Variants in CHL1 observed in about 807,000 individuals in gnomAD.
The protein encoded by CHL1 is neural cell adhesion molecule L1-like protein.
In CHL1, 96 loss-of-function variants were observed where a neutral mutation model predicts 141.9. The observed-to-expected ratio is 0.68, with a 90% confidence interval of 0.57 to 0.80. The LOEUF is 0.80. CHL1 is among the 30% of genes least tolerant of loss of function. The probability of loss-of-function intolerance (pLI) is 0.00; values close to 1 mark genes in which losing one functional copy is unlikely to be tolerated. For missense variants in CHL1, 1,820 were observed against 1,457.2 expected, an observed-to-expected ratio of 1.25 and a Z score of -4.05; for synonymous variants, 613 against 502.2, an observed-to-expected ratio of 1.22 and a Z score of -2.95.
chr3:372,415 G>A (rs1705752943), intron 15 of CHL1, among the ~76,000 whole-genome samples: 2 of 152,090 alleles, frequency 1.3e-5, no homozygotes, highest in East Asian at 1.9e-4. Flanking sequence ...TGATACTTGT[G>A]TATGCTTCAT....
intron 12 of CHL1, among the ~76,000 whole-genome samples, chr3:361,349 A>C (rs1704227687): frequency 7.6e-6 from 1 of 130,984 alleles, no homozygotes. Context: ...AGCAATGGCA[A>C]CAAAAGACAA....
chr3:231,721 T>C (rs1310784776), intron 1 of CHL1, among the ~76,000 whole-genome samples: 3 of 151,632 alleles, frequency 2.0e-5, no homozygotes, highest in African/African-American at 7.3e-5. Context: ...GGATTACAGG[T>C]GCCTGCCACC....
chr3:294,530 C>A (rs1237171559), intron 2 of CHL1, among the ~76,000 whole-genome samples: 2 of 152,176 alleles, frequency 1.3e-5, no homozygotes, highest in Non-Finnish European at 2.9e-5. Context: ...CAAGATCCCT[C>A]ACAATGTGTG....
intron 1 of CHL1, among the ~76,000 whole-genome samples, chr3:206,973 A>G (rs766020627): frequency 6.6e-6 from 1 of 152,246 alleles, no homozygotes; most frequent in Non-Finnish European, 1.5e-5. Flanking sequence ...GCAATGGCAG[A>G]TGCCATATCT....
At chr3:297,996 T>C (rs1247169522) in intron 2 of CHL1, among the ~76,000 whole-genome samples, 2 of 152,194 alleles carry the variant, frequency 1.3e-5, no homozygotes, top group African/African-American at 4.8e-5. Context: ...TATTAGGTGG[T>C]CATCTTGATA....
intron 1 of CHL1, among the ~76,000 whole-genome samples, chr3:231,502 T>C (rs922297572): frequency 1.3e-5 from 2 of 152,076 alleles, no homozygotes; most frequent in Admixed American, 6.6e-5. Context: ...AAGTGTTGGT[T>C]TTAATAAAAA....
intron 1 of CHL1, among the ~76,000 whole-genome samples, chr3:227,214 C>A (rs1303281238): frequency 6.6e-6 from 1 of 152,128 alleles, no homozygotes; most frequent in African/African-American, 2.4e-5. Flanking sequence ...TTAAAATATT[C>A]CTTTCCTGTT....
At chr3:357,525 T>A (rs79163783) in intron 11 of CHL1, among the ~76,000 whole-genome samples, 16 of 152,280 alleles carry the variant, frequency 1.1e-4, no homozygotes, top group Non-Finnish European at 1.8e-4. Flanking sequence ...CCAGGTACAT[T>A]TAAAACCAGG....
chr3:201,674 AGAT>A (rs1698955867), intron 1 of CHL1, among the ~76,000 whole-genome samples: 1 of 152,218 alleles, frequency 6.6e-6, no homozygotes, highest in Admixed American at 6.5e-5. Context: ...TGATGCTGGC[AGAT>A]GATGATAAGA....
At chr3:328,995 G>C (rs1279943855) in intron 5 of CHL1, among the ~76,000 whole-genome samples, 1 of 152,106 alleles carries the variant, frequency 6.6e-6, no homozygotes, top group Non-Finnish European at 1.5e-5. Context: ...ACAGCTATTG[G>C]TAATGTTAAC....
intron 11 of CHL1, among the ~76,000 whole-genome samples, chr3:358,869 T>C (rs966462825): frequency 1.3e-5 from 2 of 151,552 alleles, no homozygotes; most frequent in East Asian, 1.9e-4. Context: ...TTATTAATCT[T>C]GTAATGTCCT....
intron 1 of CHL1, among the ~76,000 whole-genome samples, chr3:224,161 A>T (rs913728387): frequency 2.6e-5 from 4 of 152,046 alleles, no homozygotes; most frequent in African/African-American, 9.7e-5. Flanking sequence ...TACTTTTACA[A>T]AGGTGGTTTT....
intron 15 of CHL1, among the ~76,000 whole-genome samples, chr3:374,578 A>G (rs1198029634): frequency 6.6e-6 from 1 of 152,190 alleles, no homozygotes; most frequent in Non-Finnish European, 1.5e-5. Flanking sequence ...CAGAGCTGAC[A>G]CTGAAATGAA....
At chr3:279,244 TAGAG>T (rs1696422457) in intron 2 of CHL1, among the ~76,000 whole-genome samples, 2 of 152,204 alleles carry the variant, frequency 1.3e-5, no homozygotes, top group South Asian at 4.1e-4. Context: ...GATTTCTCAA[TAGAG>T]AAAGTATCCG....
intron 3 of CHL1, among the ~76,000 whole-genome samples, chr3:320,500 G>A (rs1482243214): frequency 2.0e-5 from 3 of 151,652 alleles, no homozygotes; most frequent in Non-Finnish European, 4.4e-5. Flanking sequence ...CAGTTTGAAC[G>A]AACCATGGTA....
intron 5 of CHL1, among the ~76,000 whole-genome samples, chr3:330,756 G>A (rs951628787): frequency 6.6e-6 from 1 of 152,082 alleles, no homozygotes; most frequent in Non-Finnish European, 1.5e-5. Context: ...GGAACAAAGG[G>A]CAAACTTCAG....
At chr3:257,685 T>G (rs1044497713) in intron 2 of CHL1, among the ~76,000 whole-genome samples, 1 of 152,138 alleles carries the variant, frequency 6.6e-6, no homozygotes, top group African/African-American at 2.4e-5. Flanking sequence ...AACCTCAAAA[T>G]CAGAGATTCA....
intron 15 of CHL1, among the ~76,000 whole-genome samples, chr3:366,343 T>A (rs1317669593): frequency 6.6e-6 from 1 of 151,686 alleles, no homozygotes; most frequent in Non-Finnish European, 1.5e-5. Flanking sequence ...TGATGGCACG[T>A]GCCTGTGATC....
chr3:300,504 T>C (rs1424798548), intron 2 of CHL1, among the ~76,000 whole-genome samples: 1 of 152,202 alleles, frequency 6.6e-6, no homozygotes, highest in Non-Finnish European at 1.5e-5. Context: ...CTATAATTTT[T>C]ACTATATTTC....
Sources: allele counts gnomAD v4.1 joint callset (sites outside exome capture counted in the v4.1 genomes callset), GRCh38; gene constraint gnomAD v4.1.1; transcripts MANE v1.5; gene names NCBI Gene and HGNC (gene_info 2026-07-23, HGNC 2026-07-21).